The following HERC1 variants were observed in gnomAD, a reference collection of about 807,000 sequenced individuals.
HERC1 encodes probable E3 ubiquitin-protein ligase HERC1.
Under a neutral mutation model 554.3 loss-of-function variants are expected in HERC1, and 160 were observed. The observed-to-expected ratio is 0.29, with a 90% CI of 0.25 to 0.33. The LOEUF (loss-of-function observed/expected upper bound fraction) is 0.33. Among genes scored for constraint, HERC1 ranks in the 10% least tolerant of loss-of-function variants. HERC1 has a pLI of 1.00. For missense variants in HERC1, 4,919 were observed against 5,918.5 expected, an observed-to-expected ratio of 0.83 and a Z score of 5.54; for synonymous variants, 2,175 against 2,131.7, an observed-to-expected ratio of 1.02 and a Z score of -0.56.
At chr15:63,803,319 T>C (rs1269357305) in intron 1 of HERC1, among the ~76,000 whole-genome samples, 2 of 152,318 alleles carry the variant, frequency 1.3e-5, no homozygotes, top group Non-Finnish European at 2.9e-5. Context: ...CTGCCAGTAA[T>C]TGATAGAGTA....
intron 21 of HERC1, among the ~76,000 whole-genome samples, chr15:63,717,137 C>A (rs1035726330): frequency 6.6e-6 from 1 of 152,148 alleles, no homozygotes; most frequent in East Asian, 1.9e-4. Context: ...ATAAAAGTTA[C>A]CTGTGACTCA....
chr15:63,673,254 A>G (rs367646650), intron 38 of HERC1, among the ~76,000 whole-genome samples: 1 of 39,686 alleles, frequency 2.5e-5, no homozygotes, highest in Non-Finnish European at 6.8e-5. Flanking sequence ...ACAAATAAAC[A>G]TAACTAAAAT....
At chr15:63,654,433 A>T in intron 50 of HERC1, 109 bp from the exon 51 acceptor site, 1 of 783,406 alleles carries the variant, frequency 1.3e-6, no homozygotes, top group Non-Finnish European at 2.1e-6. Flanking sequence ...GTGAACAAGC[A>T]AATGGGTTAA....
intron 69 of HERC1, among the ~76,000 whole-genome samples, chr15:63,629,678 A>G (rs2068461444): frequency 6.6e-6 from 1 of 152,156 alleles, no homozygotes; most frequent in Non-Finnish European, 1.5e-5. Context: ...TGCAACCACA[A>G]TGACGAGCAG....
At chr15:63,753,972 G>A (rs914897649) in intron 7 of HERC1, among the ~76,000 whole-genome samples, 2 of 152,016 alleles carry the variant, frequency 1.3e-5, no homozygotes, top group Non-Finnish European at 2.9e-5. Flanking sequence ...CCAGAAGTTC[G>A]AGGCCAGCCT....
At chr15:63,628,475 G>A (rs879783824) in intron 70 of HERC1, among the ~76,000 whole-genome samples, 8 of 152,196 alleles carry the variant, frequency 5.3e-5, no homozygotes, top group East Asian at 1.9e-4. Context: ...CAGAGAGGAC[G>A]TGGTTCATAC....
At chr15:63,635,835 A>C in intron 65 of HERC1, 126 bp downstream of exon 65, 3 of 1,040,846 alleles carry the variant, frequency 2.9e-6, no homozygotes, top group Non-Finnish European at 4.2e-6. Context: ...ATCCAAAACC[A>C]ATGGATCTCT....
At chr15:63,730,696 A>T (rs2074253838) in intron 14 of HERC1, among the ~76,000 whole-genome samples, 1 of 152,204 alleles carries the variant, frequency 6.6e-6, no homozygotes, top group Admixed American at 6.5e-5. Context: ...TTTTTTAAAA[A>T]TACATACTTA....
Position 63,680,577 on chromosome 15 carries a change from T to C in HERC1, c.6425A>G (p.Asp2142Gly). The change falls in exon 35 of 78, where the codon GAC becomes GGC. Residue 2142 changes from aspartate (D) to glycine (G), a missense_variant. Physicochemically the swap from Asp to Gly is moderately conservative, Grantham distance 94 (BLOSUM62 -1). Around this residue, in one of 11 missense-constraint regions of HERC1, gnomAD observed 85 missense variants for 163.2 expected, o/e 0.52. Coordinates refer to ENST00000443617, the MANE Select transcript of HERC1 (RefSeq NM_003922.4). This position sits in a 1 kb window ranked among gnomAD's most constrained non-coding sequence, Gnocchi z 5.8. Reference sequence around the variant, plus strand: ...AAAAGAAATGGTCCTGGCTTCCATGTCTAACACACAGGTAATGAAATCTCC... The same window carrying C: ...AAAAGAAATGGTCCTGGCTTCCATGCCTAACACACAGGTAATGAAATCTCC... ...TQGDFITCVLDMEARTISFGK... is the reference protein window; with the variant it reads ...TQGDFITCVLGMEARTISFGK... The C allele has an allele frequency of 6.2e-7, 1 of 1,613,806 alleles. No homozygotes were observed. The highest frequency in any genetic ancestry group is 8.5e-7 in the Non-Finnish European group (1 of 1,179,750).
intron 69 of HERC1, among the ~76,000 whole-genome samples, chr15:63,630,056 T>C (rs552847822): frequency 6.6e-6 from 1 of 152,260 alleles, no homozygotes; most frequent in African/African-American, 2.4e-5. Context: ...TATAAAAATA[T>C]TATTGTTTCA....
rs199983480 is a variant in HERC1, at chr15:63,764,126, A to G, written c.996T>C (p.Leu332=). 3 of 1,610,360 alleles carry G rather than the reference A, an allele frequency of 1.9e-6. No homozygotes were observed. Among genetic ancestry groups the G allele is most frequent in the Non-Finnish European group, 2.5e-6 (3 of 1,178,268 alleles). Residue 332 remains leucine (L), a synonymous_variant, in exon 3 of 78, where the codon CTT becomes CTC. Transcript: ENST00000443617. ...PTRTSDGLCS[L]YEAALCLFEE... ...CAAAGAGACATAATGCTGCCTCGTA[A>G]AGGGAGCACAAGCCATCCGATGTTC...
chr15:63,757,426 C>T (rs866399179), intron 4 of HERC1, among the ~76,000 whole-genome samples: 11 of 152,090 alleles, frequency 7.2e-5, no homozygotes, highest in Admixed American at 2.0e-4. Context: ...TCATGCCCGG[C>T]TAATTTTTGT....
At chr15:63,785,403 G>A (rs114573741) in intron 1 of HERC1, among the ~76,000 whole-genome samples, 1 of 152,150 alleles carries the variant, frequency 6.6e-6, no homozygotes, top group African/African-American at 2.4e-5. Flanking sequence ...GGGCAATAAG[G>A]TGAGACAAAG....
intron 5 of HERC1, among the ~76,000 whole-genome samples, chr15:63,755,869 A>T (rs898209455): frequency 8.5e-5 from 13 of 152,118 alleles, no homozygotes; most frequent in Non-Finnish European, 1.5e-4. Context: ...GGTTCCAATT[A>T]TTTGTGTGGG....
chr15:63,694,149 G>A lies in HERC1; in HGVS notation c.5489C>T (p.Ala1830Val), dbSNP rs770913937. The change falls in exon 30 of 78, where the codon GCT becomes GTT. Residue 1830 changes from alanine (A) to valine (V), a missense_variant. Coordinates refer to ENST00000443617, the MANE Select transcript of HERC1 (RefSeq NM_003922.4). This position sits in a 1 kb window ranked among gnomAD's most constrained non-coding sequence, Gnocchi z 4.3. ...QILAITTGTYADKLSPKVVQS... is the reference protein window; with the variant it reads ...QILAITTGTYVDKLSPKVVQS... ...AACTACTTTGGGACTCAGTTTATCA[G>A]CATAGGTCCTATGTGAAATAAAAGA... The A allele has an allele frequency of 1.2e-6, 2 of 1,602,512 alleles. No homozygotes were observed. The highest frequency in any genetic ancestry group is 1.7e-6 in the Non-Finnish European group (2 of 1,174,694).
chr15:63,737,539 A>C (rs1286974825), intron 12 of HERC1, among the ~76,000 whole-genome samples: 4 of 118,114 alleles, frequency 3.4e-5, no homozygotes, highest in African/African-American at 6.9e-5. Context: ...ATATATATAT[A>C]TATATATATC....
At position 63,712,811 on chromosome 15, in the gene HERC1, C is replaced by T. The variant is rs1237711553; in HGVS notation, c.4548G>A (p.Leu1516=). 1 of 1,613,696 alleles carries T rather than the reference C, an allele frequency of 6.2e-7. No homozygotes were observed. The highest frequency in any genetic ancestry group is 1.7e-5 in the Admixed American group (1 of 60,022). ...RLIKSRSESD[L]SQPESDEEGY... is the part of the protein sequence containing the mutation. ...CCTCTTCATCTGATTCAGGCTGAGA[C>T]AAATCAGATTCACTCCTCGATTTGA... Residue 1516 remains leucine, a synonymous_variant, in exon 24 of 78, where the codon TTG becomes TTA. Coordinates refer to ENST00000443617, the MANE Select transcript of HERC1 (RefSeq NM_003922.4).
At chr15:63,618,448 C>T (rs951656376) in intron 74 of HERC1, among the ~76,000 whole-genome samples, 1 of 151,908 alleles carries the variant, frequency 6.6e-6, no homozygotes, top group Non-Finnish European at 1.5e-5. Flanking sequence ...ATGCCTCCAG[C>T]TTTGTTCTTT....
chr15:63,619,505 C>A (rs952733966), intron 74 of HERC1, among the ~76,000 whole-genome samples: 5 of 152,280 alleles, frequency 3.3e-5, no homozygotes, highest in African/African-American at 9.6e-5. Flanking sequence ...ATGATGCTGG[C>A]CTCCTAAAAT....
Sources: allele counts gnomAD v4.1 joint callset (sites outside exome capture counted in the v4.1 genomes callset), GRCh38; gene constraint gnomAD v4.1.1; regional missense constraint gnomAD v4.1.1; non-coding constraint Gnocchi (gnomAD v3.1); transcripts MANE v1.5; gene names NCBI Gene and HGNC (gene_info 2026-07-23, HGNC 2026-07-21).